APP: variants seen among roughly 807,000 people sequenced by gnomAD.
The protein encoded by APP is amyloid-beta precursor protein.
A neutral mutation model predicts 101.4 loss-of-function variants in APP; 31 were observed. The ratio of observed to expected loss-of-function variants is 0.31; its 90% CI spans 0.23 to 0.41. The LOEUF is 0.41. Among genes scored for constraint, APP ranks in the 10% least tolerant of loss-of-function variants. The pLI is 1.00. For synonymous variants in APP, 366 were observed against 364.4 expected, an observed-to-expected ratio of 1.00 and a Z score of -0.05; for missense variants, 839 against 1,003.7, an observed-to-expected ratio of 0.84 and a Z score of 2.22.
intron 13 of APP, among the ~76,000 whole-genome samples, chr21:25,939,340 T>G (rs1258440884): frequency 6.6e-6 from 1 of 152,258 alleles, no homozygotes; most frequent in Admixed American, 6.5e-5. Context: ...TACATATGGA[T>G]GCCATGTCTG....
intron 13 of APP, among the ~76,000 whole-genome samples, chr21:25,943,314 C>T (rs995478495): frequency 2.0e-5 from 3 of 152,020 alleles, no homozygotes; most frequent in African/African-American, 7.2e-5. Flanking sequence ...CACCACCACG[C>T]CTGGATAATT....
intron 3 of APP, among the ~76,000 whole-genome samples, chr21:26,062,297 TTAAAA>T (rs1228327766): frequency 1.3e-5 from 2 of 150,734 alleles, no homozygotes; most frequent in Non-Finnish European, 3.0e-5. Flanking sequence ...AACACTGGTC[TTAAAA>T]TAATAAAAAT....
At position 26,087,010 on chromosome 21, in the gene APP, T is replaced by C. The variant is rs181408972; in HGVS notation, c.355+2933A>G. On this transcript the variant is annotated intron_variant, in intron 3 of 17. Coordinates refer to ENST00000346798, the MANE Select transcript of APP (RefSeq NM_000484.4). ...GAACTAACACTGCCTGTCTATTAAGTGCAAGTAAAATGTACATCAGTTACA... is the reference window on the plus strand; with the variant it reads ...GAACTAACACTGCCTGTCTATTAAGCGCAAGTAAAATGTACATCAGTTACA... Among the ~76,000 whole-genome samples, 155 of 152,336 alleles carry C rather than the reference T, an allele frequency of 1.0e-3. 1 individual carries two copies. The highest frequency in any genetic ancestry group is 1.7e-3 in the Non-Finnish European group (119 of 68,026).
At chr21:26,070,110 G>C (rs2046614691) in intron 3 of APP, among the ~76,000 whole-genome samples, 1 of 152,094 alleles carries the variant, frequency 6.6e-6, no homozygotes, top group Non-Finnish European at 1.5e-5. Context: ...AACAAATAAA[G>C]TAAGTATACA....
chr21:25,965,750 C>A (rs958226924), intron 11 of APP, among the ~76,000 whole-genome samples: 2 of 152,194 alleles, frequency 1.3e-5, no homozygotes, highest in African/African-American at 4.8e-5. Flanking sequence ...CTCTATCAGT[C>A]ATACCAGGCA....
At chr21:25,905,482 T>C (rs1200761140) in intron 14 of APP, among the ~76,000 whole-genome samples, 2 of 152,212 alleles carry the variant, frequency 1.3e-5, no homozygotes, top group Non-Finnish European at 2.9e-5. Context: ...CCCAATCTTA[T>C]CTTATTTTAC....
intron 5 of APP, among the ~76,000 whole-genome samples, chr21:26,045,253 C>A (rs2045559394): frequency 6.6e-6 from 1 of 150,584 alleles, no homozygotes; most frequent in Non-Finnish European, 1.5e-5. Flanking sequence ...TAAATTTTTA[C>A]AATAATTAAA....
chr21:25,968,692 G>A (rs2041889860), intron 11 of APP, among the ~76,000 whole-genome samples: 1 of 151,998 alleles, frequency 6.6e-6, no homozygotes, highest in East Asian at 1.9e-4. Flanking sequence ...TCCACGTTTA[G>A]GTTTAAAAAC....
In APP at chr21:26,012,307, C is replaced by CT. The variant is rs112703303; in HGVS notation, c.865+9532dup. Reference sequence around the variant, plus strand: ...AGATACCATGCCTGGCCTGTAAACACTTTTTTTTTTTTAACACTGTAAAAG... The same window carrying CT: ...AGATACCATGCCTGGCCTGTAAACACTTTTTTTTTTTTTAACACTGTAAAAG... On this transcript the variant is annotated intron_variant, in intron 6 of 17. Coordinates refer to ENST00000346798, the MANE Select transcript of APP (RefSeq NM_000484.4). Among the ~76,000 whole-genome samples the CT allele has an allele frequency of 4.7e-3, 687 of 146,464 alleles. 3 individuals are homozygous for CT. Among genetic ancestry groups the CT allele is most frequent in the African/African-American group, 0.014 (564 of 40,204 alleles).
At chr21:25,895,195 CAG>C (rs774576446) in intron 16 of APP, among the ~76,000 whole-genome samples, 16 of 142,706 alleles carry the variant, frequency 1.1e-4, no homozygotes, top group Non-Finnish European at 2.2e-4. Flanking sequence ...TTTTTTGAGA[CAG>C]AGTCTTGCTC....
intron 6 of APP, among the ~76,000 whole-genome samples, chr21:26,008,729 G>A (rs980338471): frequency 1.3e-5 from 2 of 152,192 alleles, no homozygotes; most frequent in East Asian, 1.9e-4. Flanking sequence ...TAGGGAGACT[G>A]TAAGAGTTTT....
chr21:26,123,386 T>G (rs1289439585), intron 1 of APP, among the ~76,000 whole-genome samples: 2 of 152,242 alleles, frequency 1.3e-5, no homozygotes, highest in African/African-American at 4.8e-5. Context: ...GCATTCTTGT[T>G]CATTGTTCAA....
intron 1 of APP, among the ~76,000 whole-genome samples, chr21:26,152,727 A>G (rs538241049): frequency 1.2e-4 from 18 of 152,346 alleles, no homozygotes; most frequent in Non-Finnish European, 2.5e-4. Flanking sequence ...TATGGAAAAC[A>G]TTATGGAGAT....
chr21:26,053,850 C>T (rs1228264540), intron 3 of APP, among the ~76,000 whole-genome samples: 1 of 152,150 alleles, frequency 6.6e-6, no homozygotes, highest in Non-Finnish European at 1.5e-5. Flanking sequence ...GTTTACATAA[C>T]ACACATAAGA....
At chr21:26,101,594 G>A (rs1343459652) in intron 2 of APP, among the ~76,000 whole-genome samples, 2 of 152,116 alleles carry the variant, frequency 1.3e-5, no homozygotes, top group African/African-American at 4.8e-5. Context: ...GAGCAATGAT[G>A]CCCTTAATAC....
At chr21:26,139,561 G>C (rs544928206) in intron 1 of APP, among the ~76,000 whole-genome samples, 1 of 152,226 alleles carries the variant, frequency 6.6e-6, no homozygotes, top group African/African-American at 2.4e-5. Context: ...TTTGAAACCA[G>C]TCACAATTTT....
At chr21:26,162,851 A>C (rs2063519793) in intron 1 of APP, among the ~76,000 whole-genome samples, 1 of 146,236 alleles carries the variant, frequency 6.8e-6, no homozygotes, top group African/African-American at 2.6e-5. Context: ...GAAGCTAATG[A>C]AAGCCAAATT....
chr21:26,073,388 G>T (rs2061443706), intron 3 of APP, among the ~76,000 whole-genome samples: 1 of 152,164 alleles, frequency 6.6e-6, no homozygotes, highest in Admixed American at 6.5e-5. Context: ...GCCACTGAGA[G>T]ACTGTGGAGG....
At chr21:25,988,895 G>A (rs569784985) in intron 8 of APP, among the ~76,000 whole-genome samples, 13 of 152,116 alleles carry the variant, frequency 8.5e-5, no homozygotes, top group East Asian at 3.9e-4. Flanking sequence ...TCACATGTGC[G>A]TGAGGGCTCA....
Sources: allele counts gnomAD v4.1 joint callset (sites outside exome capture counted in the v4.1 genomes callset), GRCh38; gene constraint gnomAD v4.1.1; transcripts MANE v1.5; gene names NCBI Gene and HGNC (gene_info 2026-07-23, HGNC 2026-07-21).